Variants in PSTPIP1 observed in about 807,000 individuals in gnomAD.
The protein encoded by PSTPIP1 is proline-serine-threonine phosphatase-interacting protein 1.
Under a neutral mutation model 69.6 loss-of-function variants are expected in PSTPIP1, and 66 were observed. The ratio of observed to expected loss-of-function variants is 0.95; its 90% CI spans 0.78 to 1.16. The LOEUF (loss-of-function observed/expected upper bound fraction) is 1.16, where lower values mean the gene tolerates loss of function less well. PSTPIP1 is among the 50% of genes most tolerant of loss of function. The pLI, the probability that PSTPIP1 is intolerant of heterozygous loss-of-function variation, is 0.00. For missense variants in PSTPIP1, 603 were observed against 557.4 expected (o/e 1.08, Z -0.82); for synonymous variants, 266 against 222.7 (o/e 1.19, Z -1.73).
intron 1 of PSTPIP1, among the ~76,000 whole-genome samples, chr15:77,017,075 T>A (rs2076065402): frequency 6.6e-6 from 1 of 152,064 alleles, no homozygotes; most frequent in South Asian, 2.1e-4. Flanking sequence ...CCTGCCTTGG[T>A]GCAGTTGGTG....
At chr15:76,995,067 C>T (rs1184800063), upstream of PSTPIP1, 2 of 1,182,100 alleles carry the variant, frequency 1.7e-6, no homozygotes, top group African/African-American at 1.6e-5. Flanking sequence ...CACAGGGGAG[C>T]ACAGCAACTC....
At chr15:77,015,669 C>T (rs904079891) in intron 1 of PSTPIP1, 6 of 324,642 alleles carry the variant, frequency 1.8e-5, no homozygotes, top group Non-Finnish European at 3.1e-5. Context: ...ACATCCTGAG[C>T]CTGACTGTCC....
intron 1 of PSTPIP1, among the ~76,000 whole-genome samples, chr15:77,011,721 G>T (rs571322405): frequency 6.6e-6 from 1 of 152,058 alleles, no homozygotes; most frequent in African/African-American, 2.4e-5. Context: ...GGGACCCCTA[G>T]ACACCAAGTC....
At chr15:77,009,992 C>T (rs138060054) in intron 1 of PSTPIP1, among the ~76,000 whole-genome samples, 58 of 152,312 alleles carry the variant, frequency 3.8e-4, no homozygotes, top group Non-Finnish European at 7.8e-4. Flanking sequence ...GAGCCGTGCT[C>T]TTCCTGTGAA....
chr15:77,036,523 G>A (rs888519893), intron 14 of PSTPIP1, among the ~76,000 whole-genome samples: 3 of 152,166 alleles, frequency 2.0e-5, no homozygotes, highest in Non-Finnish European at 4.4e-5. Context: ...TGCTTGAGGG[G>A]AAGAATGCAT....
At chr15:77,018,611 C>G in intron 3 of PSTPIP1, 80 bp downstream of exon 3, 1 of 1,389,820 alleles carries the variant, frequency 7.2e-7, no homozygotes, top group South Asian at 1.5e-5. Context: ...TTAGGTCTTC[C>G]TGGCATGGGG....
At chr15:77,034,569 C>A (rs1395869240) in intron 12 of PSTPIP1, among the ~76,000 whole-genome samples, 1 of 152,040 alleles carries the variant, frequency 6.6e-6, no homozygotes, top group Non-Finnish European at 1.5e-5. Flanking sequence ...CAGTCCTGTC[C>A]CCCACACACC....
chr15:76,997,631 C>T (rs2075609731), intron 1 of PSTPIP1, among the ~76,000 whole-genome samples: 2 of 152,176 alleles, frequency 1.3e-5, no homozygotes, highest in Non-Finnish European at 2.9e-5. Context: ...GGCAGGCTGG[C>T]TTTAGCACTT....
intron 9 of PSTPIP1, 28 bp downstream of exon 9, chr15:77,030,609 T>A: frequency 1.3e-6 from 2 of 1,574,308 alleles, no homozygotes; most frequent in South Asian, 2.3e-5. Context: ...AGCCTCGTTT[T>A]CCCCAGCTGG....
intron 3 of PSTPIP1, among the ~76,000 whole-genome samples, chr15:77,020,997 C>G (rs1226046280): frequency 6.6e-6 from 1 of 152,210 alleles, no homozygotes; most frequent in African/African-American, 2.4e-5. Flanking sequence ...AGGCCCACAG[C>G]TGCCCCCCAG....
At chr15:76,995,111 C>T (rs1054427218), upstream of PSTPIP1, 55 of 1,175,406 alleles carry the variant, frequency 4.7e-5, no homozygotes, top group East Asian at 1.2e-4. Flanking sequence ...GTGCCTGCCC[C>T]GGGGGAGGTT....
At chr15:77,003,577 AC>A (rs935567824) in intron 1 of PSTPIP1, among the ~76,000 whole-genome samples, 37 of 151,590 alleles carry the variant, frequency 2.4e-4, no homozygotes, top group African/African-American at 8.2e-4. Context: ...AATCGCTTGA[AC>A]CCAGGAGGTG....
intron 1 of PSTPIP1, among the ~76,000 whole-genome samples, chr15:77,010,837 G>C (rs1412379232): frequency 6.6e-6 from 1 of 152,068 alleles, no homozygotes; most frequent in East Asian, 1.9e-4. Flanking sequence ...GTAGAGACAG[G>C]GTTTCACCAT....
At chr15:77,033,979 A>ACTGCTTC (rs1460860252) in intron 12 of PSTPIP1, among the ~76,000 whole-genome samples, 10 of 152,100 alleles carry the variant, frequency 6.6e-5, no homozygotes, top group Non-Finnish European at 1.5e-5. Context: ...AACTGGACAA[A>ACTGCTTC]AGAGCTCACC....
intron 1 of PSTPIP1, among the ~76,000 whole-genome samples, chr15:77,009,083 C>A (rs1475942598): frequency 6.6e-6 from 1 of 152,124 alleles, no homozygotes; most frequent in Non-Finnish European, 1.5e-5. Context: ...AGTAAACTAA[C>A]TTTGGTGGTT....
At chr15:77,013,717 G>A (rs970624143) in intron 1 of PSTPIP1, among the ~76,000 whole-genome samples, 1 of 152,112 alleles carries the variant, frequency 6.6e-6, no homozygotes, top group African/African-American at 2.4e-5. Flanking sequence ...TACCTTCCAC[G>A]GCCCCCACTT....
intron 14 of PSTPIP1, among the ~76,000 whole-genome samples, chr15:77,036,785 G>C (rs550750763): frequency 6.6e-6 from 1 of 152,178 alleles, no homozygotes; most frequent in Non-Finnish European, 1.5e-5. Context: ...ACATGCTCCA[G>C]TCACTGCGTC....
At position 77,025,553 on chromosome 15, in the gene PSTPIP1, G is replaced by T. The variant is rs1483586815; in HGVS notation, c.303G>T (p.Glu101Asp). 6.4e-6 allele frequency: 10 copies of T among 1,554,720 alleles called. No individual in the cohort carries two copies. The highest frequency in any genetic ancestry group is 8.7e-6 in the Non-Finnish European group (10 of 1,148,900). ...AGCTGGCCCTGACCCTGCGTGAGGA[G>T]CTGCGGAGTCTCGAGGAGTTTCGTG... ...HIQLALTLRE[E>D]LRSLEEFRER... Residue 101 changes from glutamate to aspartate, a missense_variant, in exon 5 of 15, where the codon GAG (glutamate) becomes GAT (aspartate). By Grantham distance (45) the Glu-to-Asp change is conservative. Transcript: ENST00000558012.
chr15:77,033,826 C>A (rs1350072729), intron 12 of PSTPIP1, among the ~76,000 whole-genome samples: 2 of 151,764 alleles, frequency 1.3e-5, no homozygotes, highest in East Asian at 3.9e-4. Context: ...AGAGGGCACA[C>A]ACACACCCTC....
Sources: gnomAD v4.1 joint callset for allele counts (sites outside exome capture counted in the v4.1 genomes callset) on GRCh38, gnomAD v4.1.1 for gene constraint, MANE v1.5 for transcripts, NCBI Gene and HGNC (gene_info 2026-07-23, HGNC 2026-07-21) for gene names.